The following GRAMD2A variants were observed in gnomAD, a reference collection of about 807,000 sequenced individuals.
GRAMD2A encodes the protein GRAM domain-containing protein 2A.
Under a neutral mutation model 51.1 loss-of-function variants are expected in GRAMD2A, and 37 were observed. That is an observed-to-expected ratio of 0.72 (90% CI 0.56 to 0.95). GRAMD2A has a LOEUF of 0.95. GRAMD2A is among the 40% of genes least tolerant of loss of function. GRAMD2A has a pLI of 0.00. For synonymous variants in GRAMD2A, 136 were observed against 157.1 expected, an observed-to-expected ratio of 0.87 and a Z score of 1.01; for missense variants, 414 against 426.9, an observed-to-expected ratio of 0.97 and a Z score of 0.27.
intron 1 of GRAMD2A, among the ~76,000 whole-genome samples, chr15:72,195,862 G>A (rs2081801393): frequency 6.6e-6 from 1 of 152,176 alleles, no homozygotes. Flanking sequence ...GGAGACTGCA[G>A]TGAGCCGAGA....
chr15:72,197,582 C>T (rs2081819384), intron 1 of GRAMD2A, 149 bp downstream of exon 1: 1 of 545,420 alleles, frequency 1.8e-6, no homozygotes, highest in Admixed American at 5.1e-5. Context: ...GCCCGGAGCC[C>T]GCATTCCGGC....
In GRAMD2A at chr15:72,192,224, A is replaced by C. The variant is rs182931826; in HGVS notation, c.41+5507T>G. 1.5e-3 allele frequency among the ~76,000 whole-genome samples: 221 copies of C among 152,320 alleles called. 1 individual carries two copies. The highest frequency in any genetic ancestry group is 4.9e-3 in the African/African-American group (202 of 41,576). Reference sequence around the variant, plus strand: ...TAAAACCAGGAGATGGGTACATGCCACTTATTATACTATTCTCTCTCCTTT... The same window carrying C: ...TAAAACCAGGAGATGGGTACATGCCCCTTATTATACTATTCTCTCTCCTTT... On this transcript the variant is annotated intron_variant, in intron 1 of 11. Transcript: ENST00000309731.
intron 8 of GRAMD2A, chr15:72,164,007 A>C: frequency 2.3e-6 from 1 of 432,736 alleles, no homozygotes; most frequent in Non-Finnish European, 4.1e-6. Flanking sequence ...GTGTAGAACC[A>C]CAGTGGGATC....
chr15:72,162,242 T>C, intron 11 of GRAMD2A, 31 bp downstream of exon 11: 1 of 1,522,458 alleles, frequency 6.6e-7, no homozygotes, highest in Non-Finnish European at 9.1e-7. Flanking sequence ...ACCCTCAATA[T>C]CAAAGGCATT....
chr15:72,166,971 G>T lies in GRAMD2A; in HGVS notation c.471+23C>A. The T allele has an allele frequency of 3.2e-6, 5 of 1,577,496 alleles. No homozygotes were observed. The highest frequency in any genetic ancestry group is 4.4e-6 in the Non-Finnish European group (5 of 1,146,654). On this transcript the variant is annotated intron_variant, in intron 6 of 11. Transcript: ENST00000309731. The surrounding 1 kb of genome is among the most constrained non-coding windows in gnomAD (Gnocchi z 4.1). ...GGCTGGGAGCGGGAGACTGACAAGG[G>T]AGCATGGGCCCAGTGCACTGACCTT...
At chr15:72,188,752 G>A (rs2081749946) in intron 1 of GRAMD2A, among the ~76,000 whole-genome samples, 1 of 151,650 alleles carries the variant, frequency 6.6e-6, no homozygotes, top group African/African-American at 2.4e-5. Context: ...GCATGATCTT[G>A]GCTCACTGCA....
At chr15:72,196,177 G>C (rs1355998710) in intron 1 of GRAMD2A, among the ~76,000 whole-genome samples, 1 of 152,112 alleles carries the variant, frequency 6.6e-6, no homozygotes, top group African/African-American at 2.4e-5. Flanking sequence ...AAACCTAAGA[G>C]TGTCTGCAGC....
At chr15:72,185,713 G>A (rs975607924) in intron 1 of GRAMD2A, among the ~76,000 whole-genome samples, 1 of 152,208 alleles carries the variant, frequency 6.6e-6, no homozygotes, top group Non-Finnish European at 1.5e-5. Flanking sequence ...TAGATCAATG[G>A]AGCATAAGAC....
At chr15:72,183,793 T>C (rs960086650) in intron 1 of GRAMD2A, among the ~76,000 whole-genome samples, 9 of 152,210 alleles carry the variant, frequency 5.9e-5, no homozygotes, top group African/African-American at 1.9e-4. Flanking sequence ...AAAGGCCAAG[T>C]AAGAGCAGGA....
At chr15:72,179,889 C>G (rs1174745705) in intron 1 of GRAMD2A, among the ~76,000 whole-genome samples, 1 of 152,220 alleles carries the variant, frequency 6.6e-6, no homozygotes, top group Non-Finnish European at 1.5e-5. Context: ...TACATGTCCT[C>G]CATGCCTGAA....
chr15:72,171,396 A>C (rs1377524563), intron 1 of GRAMD2A, among the ~76,000 whole-genome samples: 1 of 152,168 alleles, frequency 6.6e-6, no homozygotes, highest in Non-Finnish European at 1.5e-5. Context: ...ATGTATGATA[A>C]ACATATAACC....
chr15:72,184,613 A>G (rs1201498618), intron 1 of GRAMD2A, among the ~76,000 whole-genome samples: 1 of 152,218 alleles, frequency 6.6e-6, no homozygotes, highest in Non-Finnish European at 1.5e-5. Flanking sequence ...CGGCTCCCCC[A>G]GGCTGGGCTC....
rs1249557696 is a variant in GRAMD2A at position 72,169,871 on chromosome 15, C to G, written c.110G>C (p.Arg37Thr). The change falls in exon 2 of 12, where the codon AGA (arginine) becomes ACA (threonine). Residue 37 changes from arginine (R) to threonine (T), a missense_variant. Coordinates refer to ENST00000309731, the MANE Select transcript of GRAMD2A (RefSeq NM_001012642.3). Reference protein sequence around the residue: ...SPVSCKEKPDRVEEPPDYSLH... With the variant: ...SPVSCKEKPDTVEEPPDYSLH... ...CCTGTAGTCCGGGGGCTCCTCAACT[C>G]TGTCTGGTTTCTCTTTGCAGGACAC... 3.1e-6 allele frequency: 5 copies of G among 1,614,022 alleles called. No homozygotes were observed. In the East Asian group the frequency reaches 1.1e-4, roughly 36 times the overall value.
intron 1 of GRAMD2A, among the ~76,000 whole-genome samples, chr15:72,178,781 A>T (rs1041453331): frequency 6.6e-6 from 1 of 151,800 alleles, no homozygotes; most frequent in East Asian, 1.9e-4. Context: ...TCACCGTGTT[A>T]GCCAGGATGG....
intron 1 of GRAMD2A, among the ~76,000 whole-genome samples, chr15:72,190,874 C>T (rs1421148950): frequency 6.6e-6 from 1 of 152,114 alleles, no homozygotes; most frequent in Non-Finnish European, 1.5e-5. Flanking sequence ...TGGCTGATTC[C>T]GGATCTGAGG....
Position 72,163,431 on chromosome 15 carries a change from G to T in GRAMD2A, c.791C>A (p.Ala264Glu). The part of the protein sequence containing the change: ...QVASENGGRW[A>E]WPMPGWGPAC... ...AGGACCCCAGCCTGGCATGGGCCAT[G>T]CCCACCTCCCACCATTTTCTGAAGC... Residue 264 changes from alanine (A) to glutamate (E), a missense_variant, in exon 10 of 12, where the codon GCA (alanine) becomes GAA (glutamate). Ala to Glu is a moderately radical substitution (Grantham distance 107). Transcript: ENST00000309731. 1 of 1,614,130 alleles carries T rather than the reference G, an allele frequency of 6.2e-7. No homozygotes were observed. The highest frequency in any genetic ancestry group is 8.5e-7 in the Non-Finnish European group (1 of 1,179,990).
chr15:72,165,311 C>T, intron 8 of GRAMD2A, 43 bp downstream of exon 8: 1 of 1,589,418 alleles, frequency 6.3e-7, no homozygotes, highest in Non-Finnish European at 8.6e-7. Flanking sequence ...GAGCTCCAGG[C>T]ACTGTCAGTC....
intron 1 of GRAMD2A, among the ~76,000 whole-genome samples, chr15:72,190,327 C>T (rs1047916262): frequency 2.2e-4 from 34 of 152,124 alleles, no homozygotes; most frequent in African/African-American, 8.0e-4. Context: ...TGCAGTGAGC[C>T]GAGATTGCAC....
chr15:72,197,277 A>G (rs1250602720), intron 1 of GRAMD2A, among the ~76,000 whole-genome samples: 3 of 152,172 alleles, frequency 2.0e-5, no homozygotes, highest in Non-Finnish European at 4.4e-5. Flanking sequence ...GCGAGAGGAA[A>G]CAGTCTGGCC....
Sources: gnomAD v4.1 joint callset for allele counts (sites outside exome capture counted in the v4.1 genomes callset) on GRCh38, gnomAD v4.1.1 for gene constraint, Gnocchi (gnomAD v3.1) non-coding constraint, MANE v1.5 for transcripts, NCBI Gene and HGNC (gene_info 2026-07-23, HGNC 2026-07-21) for gene names.